Variants in IGF1R observed in about 807,000 individuals in gnomAD.
IGF1R encodes insulin like growth factor 1 receptor, also known as insulin-like growth factor 1 receptor.
A neutral mutation model predicts 144.6 loss-of-function variants in IGF1R; 44 were observed. The ratio of observed to expected loss-of-function variants is 0.30; its 90% CI spans 0.24 to 0.39. IGF1R has a LOEUF of 0.39. Ranked by LOEUF, IGF1R falls within the 10% of genes least tolerant of loss-of-function variation. The pLI is 1.00. For synonymous variants in IGF1R, 795 were observed against 722.8 expected, an observed-to-expected ratio of 1.10 and a Z score of -1.60; for missense variants, 1,355 against 1,833.7, an observed-to-expected ratio of 0.74 and a Z score of 4.77.
intron 1 of IGF1R, among the ~76,000 whole-genome samples, chr15:98,673,362 A>G (rs2141200450): frequency 6.6e-6 from 1 of 152,334 alleles, no homozygotes; most frequent in East Asian, 1.9e-4. Context: ...TACAGTAAAT[A>G]GATGATCATT....
chr15:98,917,069 C>CA (rs2151683655), intron 10 of IGF1R, 193 bp downstream of exon 10: 1 of 663,196 alleles, frequency 1.5e-6, no homozygotes, highest in East Asian at 2.8e-5. Context: ...CTGAAGGGAA[C>CA]AGGGACCAGG....
intron 2 of IGF1R, among the ~76,000 whole-genome samples, chr15:98,859,844 C>T (rs775894636): frequency 8.5e-5 from 13 of 152,154 alleles, no homozygotes; most frequent in Non-Finnish European, 1.5e-4. Flanking sequence ...TGTTGGTCTT[C>T]TGTACTGTAT....
rs913738837 is a variant in IGF1R, at chr15:98,960,761, G to GA, written c.*3321dup. ...CTGACCTCACAGCCAGTCCCTGATA[G>GA]AACACACGCAGGAGCAGAGTCCCCT... On this transcript the variant is annotated 3_prime_UTR_variant, in exon 21 of 21. Coordinates refer to ENST00000650285, the MANE Select transcript of IGF1R (RefSeq NM_000875.5). The GA allele has an allele frequency of 4.3e-6, 1 of 233,588 alleles. No homozygotes were observed. The highest frequency in any genetic ancestry group is 2.2e-5 in the African/African-American group (1 of 45,342). The allele number at this position is 233,588 out of a possible 1,614,324, so 14.5% of individuals were successfully genotyped here.
chr15:98,909,943 C>T (rs1430326515), intron 6 of IGF1R, among the ~76,000 whole-genome samples: 2 of 152,104 alleles, frequency 1.3e-5, no homozygotes, highest in Non-Finnish European at 2.9e-5. Context: ...AGTAAATCGT[C>T]TTTTCACCTT....
chr15:98,886,192 A>C (rs1264292446), intron 2 of IGF1R, among the ~76,000 whole-genome samples: 1 of 152,236 alleles, frequency 6.6e-6, no homozygotes, highest in Admixed American at 6.5e-5. Context: ...GAACAAAAAC[A>C]AATGGTTTTT....
Position 98,649,392 on chromosome 15 carries a change from C to G in IGF1R, c.-190C>G, listed in dbSNP as rs2052282229. The stretch of plus-strand genomic sequence containing the variant: ...TGAGGGGCCGCCCCGCGCCGCCCGC[C>G]CCGTCCGCGCACCCGGAGGGCCCCG... On this transcript the variant is annotated 5_prime_UTR_variant, in exon 1 of 21. Transcript: ENST00000650285. 3.0e-6 allele frequency: 1 copy of G among 332,450 alleles called. No homozygotes were observed. Among genetic ancestry groups the G allele is most frequent in the Non-Finnish European group, 5.3e-6 (1 of 188,206 alleles). The allele number at this position is 332,450 out of a possible 1,614,324, so 20.6% of individuals were successfully genotyped here. A position where few individuals can be genotyped will look rare whatever the true frequency, so the allele number is the denominator to read the frequency against.
intron 2 of IGF1R, among the ~76,000 whole-genome samples, chr15:98,749,641 A>C (rs1386131742): frequency 2.6e-5 from 4 of 152,278 alleles, no homozygotes; most frequent in Non-Finnish European, 5.9e-5. Context: ...ATCGTCTACC[A>C]GATGAGCTGA....
chr15:98,918,900 C>G (rs1379062658), intron 10 of IGF1R, among the ~76,000 whole-genome samples: 1 of 152,084 alleles, frequency 6.6e-6, no homozygotes, highest in Non-Finnish European at 1.5e-5. Context: ...AACACCAGAG[C>G]TGTGAGAAGG....
intron 2 of IGF1R, among the ~76,000 whole-genome samples, chr15:98,732,357 T>C (rs2054513965): frequency 2.6e-5 from 4 of 152,086 alleles, no homozygotes; most frequent in Non-Finnish European, 5.9e-5. Flanking sequence ...CCTCTAAGAA[T>C]GAAGGTGAGA....
At chr15:98,733,701 C>A (rs76333926) in intron 2 of IGF1R, among the ~76,000 whole-genome samples, 33 of 152,242 alleles carry the variant, frequency 2.2e-4, no homozygotes, top group East Asian at 1.9e-3. Flanking sequence ...GACCTCCCCC[C>A]ACTGTAAGGT....
chr15:98,838,612 G>T (rs1430508330), intron 2 of IGF1R, among the ~76,000 whole-genome samples: 3 of 152,208 alleles, frequency 2.0e-5, no homozygotes, highest in Non-Finnish European at 4.4e-5. Context: ...GTACTCTAAG[G>T]TCAAAGGGCG....
intron 2 of IGF1R, among the ~76,000 whole-genome samples, chr15:98,871,673 A>G (rs2012793832): frequency 2.0e-5 from 3 of 152,186 alleles, no homozygotes; most frequent in South Asian, 4.1e-4. Flanking sequence ...AGCCAAGAGA[A>G]GAAGAGCTTG....
At chr15:98,948,091 T>G (rs1331153976) in intron 19 of IGF1R, among the ~76,000 whole-genome samples, 2 of 152,244 alleles carry the variant, frequency 1.3e-5, no homozygotes, top group Non-Finnish European at 2.9e-5. Context: ...ATTGTCTGAT[T>G]GTAAAAATCA....
intron 8 of IGF1R, 139 bp downstream of exon 8, chr15:98,913,421 T>G (rs2015110870): frequency 2.5e-6 from 2 of 788,174 alleles, no homozygotes; most frequent in African/African-American, 1.7e-5. Flanking sequence ...CTGTGTCATA[T>G]TCATTTCCCC....
At chr15:98,708,324 G>A (rs1033994918) in intron 2 of IGF1R, among the ~76,000 whole-genome samples, 1 of 152,190 alleles carries the variant, frequency 6.6e-6, no homozygotes, top group Admixed American at 6.5e-5. Flanking sequence ...GGACTGTGGC[G>A]TGGCTGGAGG....
chr15:98,794,211 C>G (rs956405701), intron 2 of IGF1R, among the ~76,000 whole-genome samples: 5 of 152,216 alleles, frequency 3.3e-5, no homozygotes, highest in African/African-American at 1.2e-4. Context: ...GTCTAGACTT[C>G]CGCAGTTTTG....
intron 2 of IGF1R, among the ~76,000 whole-genome samples, chr15:98,831,887 T>A (rs149479625): frequency 6.6e-6 from 1 of 152,048 alleles, no homozygotes; most frequent in Non-Finnish European, 1.5e-5. Context: ...AGGGTGCAAT[T>A]GCAGGCCGTA....
intron 2 of IGF1R, among the ~76,000 whole-genome samples, chr15:98,785,143 C>G (rs899167076): frequency 6.6e-6 from 1 of 152,214 alleles, no homozygotes; most frequent in Non-Finnish European, 1.5e-5. Flanking sequence ...TGGAATTTGA[C>G]TTGATTGGTT....
intron 2 of IGF1R, among the ~76,000 whole-genome samples, chr15:98,879,531 C>T (rs960049084): frequency 2.6e-5 from 4 of 152,130 alleles, no homozygotes; most frequent in Non-Finnish European, 4.4e-5. Flanking sequence ...GTGAACATTC[C>T]CTGACAGATT....
Sources: allele counts gnomAD v4.1 joint callset (sites outside exome capture counted in the v4.1 genomes callset), GRCh38; gene constraint gnomAD v4.1.1; transcripts MANE v1.5; gene names NCBI Gene and HGNC (gene_info 2026-07-23, HGNC 2026-07-21).